The following ZFPM2 variants were observed in gnomAD, a reference collection of about 807,000 sequenced individuals.
The protein encoded by ZFPM2 is zinc finger protein, FOG family member 2, also known as zinc finger protein ZFPM2.
In ZFPM2, 20 loss-of-function variants were observed where a neutral mutation model predicts 98.6. That is an observed-to-expected ratio of 0.20 (90% CI 0.14 to 0.29). The LOEUF (loss-of-function observed/expected upper bound fraction) is 0.29, where lower values mean the gene tolerates loss of function less well. ZFPM2 is among the 10% of genes least tolerant of loss of function. ZFPM2 has a pLI of 1.00. For synonymous variants in ZFPM2, 518 were observed against 502.7 expected (o/e 1.03, Z -0.41); for missense variants, 1,310 against 1,388.6 (o/e 0.94, Z 0.90).
intron 6 of ZFPM2, among the ~76,000 whole-genome samples, chr8:105,793,743 C>G (rs537634416): frequency 1.3e-5 from 2 of 152,076 alleles, no homozygotes; most frequent in Admixed American, 6.6e-5. Context: ...TAGATTTGGT[C>G]TTTTCACATA....
intron 5 of ZFPM2, among the ~76,000 whole-genome samples, chr8:105,751,794 T>TAAA (rs78079434): frequency 7.1e-6 from 1 of 139,998 alleles, no homozygotes; most frequent in Non-Finnish European, 1.6e-5. Context: ...GGTAGATTGT[T>TAAA]AAAAAAAAAA....
At chr8:105,477,014 C>A (rs1158322006) in intron 3 of ZFPM2, among the ~76,000 whole-genome samples, 1 of 152,082 alleles carries the variant, frequency 6.6e-6, no homozygotes, top group Non-Finnish European at 1.5e-5. Context: ...TTTGTTGTCA[C>A]AGCTATGCCG....
chr8:105,431,921 C>CAAAAAAAAAAA (rs150549199), intron 2 of ZFPM2, among the ~76,000 whole-genome samples: 16 of 133,444 alleles, frequency 1.2e-4, no homozygotes, highest in East Asian at 4.1e-4. Context: ...GACTGTGTCT[C>CAAAAAAAAAAA]AAAAAAAAGA....
At chr8:105,726,613 A>C (rs1395753674) in intron 5 of ZFPM2, among the ~76,000 whole-genome samples, 1 of 151,804 alleles carries the variant, frequency 6.6e-6, no homozygotes, top group Non-Finnish European at 1.5e-5. Context: ...GATGAGGATT[A>C]AGAACACCGA....
intron 3 of ZFPM2, among the ~76,000 whole-genome samples, chr8:105,488,048 A>G (rs1813270548): frequency 1.3e-5 from 2 of 151,992 alleles, no homozygotes; most frequent in African/African-American, 2.4e-5. Flanking sequence ...CAACATATAT[A>G]CAACCCTCCC....
At chr8:105,512,882 ATG>A (rs141926738) in intron 3 of ZFPM2, among the ~76,000 whole-genome samples, 2 of 151,328 alleles carry the variant, frequency 1.3e-5, no homozygotes, top group East Asian at 1.9e-4. Context: ...ATGTATGTAT[ATG>A]TGTGTGTGTG....
chr8:105,376,768 T>A (rs1442455139), intron 1 of ZFPM2, among the ~76,000 whole-genome samples: 3 of 152,202 alleles, frequency 2.0e-5, no homozygotes, highest in African/African-American at 7.2e-5. Flanking sequence ...GTACAGATCA[T>A]CATCTTCTCT....
chr8:105,693,147 G>C (rs1810929176), intron 5 of ZFPM2, among the ~76,000 whole-genome samples: 1 of 152,184 alleles, frequency 6.6e-6, no homozygotes, highest in African/African-American at 2.4e-5. Context: ...TATGGACTCT[G>C]TTTTTCCATC....
At chr8:105,420,952 C>T (rs1387716935) in intron 2 of ZFPM2, among the ~76,000 whole-genome samples, 7 of 151,896 alleles carry the variant, frequency 4.6e-5, no homozygotes, top group African/African-American at 7.3e-5. Context: ...AATTTTGGGA[C>T]GATCTCTGGT....
intron 3 of ZFPM2, among the ~76,000 whole-genome samples, chr8:105,489,975 G>A (rs1813326213): frequency 6.6e-6 from 1 of 151,950 alleles, no homozygotes; most frequent in Admixed American, 6.6e-5. Flanking sequence ...CCTGCCAGGT[G>A]CGGTGGCTCA....
chr8:105,476,448 C>T (rs1299698704), intron 3 of ZFPM2, among the ~76,000 whole-genome samples: 1 of 152,134 alleles, frequency 6.6e-6, no homozygotes, highest in African/African-American at 2.4e-5. Context: ...ATAGTTTCAT[C>T]CCGGAACCAT....
intron 3 of ZFPM2, among the ~76,000 whole-genome samples, chr8:105,457,688 T>C (rs1315632925): frequency 6.6e-6 from 1 of 151,992 alleles, no homozygotes; most frequent in Non-Finnish European, 1.5e-5. Context: ...TAGAAAATGG[T>C]TTTTGTTTGT....
chr8:105,538,876 A>G (rs1034431641), intron 3 of ZFPM2, among the ~76,000 whole-genome samples: 2 of 152,040 alleles, frequency 1.3e-5, no homozygotes, highest in Non-Finnish European at 2.9e-5. Context: ...TTAGCCAGGT[A>G]TGCTAGTGAG....
intron 5 of ZFPM2, among the ~76,000 whole-genome samples, chr8:105,759,891 C>T (rs533517015): frequency 6.6e-6 from 1 of 152,036 alleles, no homozygotes; most frequent in East Asian, 1.9e-4. Context: ...TATTGTTTGC[C>T]TACATGTGTT....
chr8:105,393,569 A>G (rs1182312028), intron 1 of ZFPM2, among the ~76,000 whole-genome samples: 1 of 152,090 alleles, frequency 6.6e-6, no homozygotes, highest in African/African-American at 2.4e-5. Flanking sequence ...TGCAAAGACA[A>G]ATTTCAGCCA....
chr8:105,590,270 A>G (rs551160609), intron 4 of ZFPM2, among the ~76,000 whole-genome samples: 1 of 152,298 alleles, frequency 6.6e-6, no homozygotes, highest in Non-Finnish European at 1.5e-5. Flanking sequence ...AGATGCTGAG[A>G]CTAAGAAACG....
chr8:105,485,031 T>C (rs998172070), intron 3 of ZFPM2, among the ~76,000 whole-genome samples: 9 of 152,200 alleles, frequency 5.9e-5, no homozygotes, highest in African/African-American at 2.2e-4. Flanking sequence ...ATGTGTAATT[T>C]ACCTCTTAAA....
rs535940901 is a variant in ZFPM2 at position 105,727,936 on chromosome 8, G to A, written c.533-60782G>A. Reference sequence around the variant, plus strand: ...AAGAAACATCAAGATGTAAAGTAAAGTAAGATCATAGTATGATTAAAAAAA... The same window carrying A: ...AAGAAACATCAAGATGTAAAGTAAAATAAGATCATAGTATGATTAAAAAAA... On this transcript the variant is annotated intron_variant, in intron 5 of 7. Transcript: ENST00000407775. Among the ~76,000 whole-genome samples the A allele has an allele frequency of 2.7e-5, 4 of 149,496 alleles. No individual in the cohort carries two copies. In the South Asian group the frequency reaches 8.4e-4, roughly 32 times the overall value.
At chr8:105,681,924 G>A (rs72673791) in intron 5 of ZFPM2, among the ~76,000 whole-genome samples, 4 of 152,120 alleles carry the variant, frequency 2.6e-5, no homozygotes, top group Non-Finnish European at 5.9e-5. Context: ...ACCCTGTGCA[G>A]GAGGCCTTCT....
Sources: allele counts gnomAD v4.1 joint callset (sites outside exome capture counted in the v4.1 genomes callset), GRCh38; gene constraint gnomAD v4.1.1; transcripts MANE v1.5; gene names NCBI Gene and HGNC (gene_info 2026-07-23, HGNC 2026-07-21).